DNAH7: variants seen among roughly 807,000 people sequenced by gnomAD.
The protein encoded by DNAH7 is axonemal beta dynein heavy chain 7.
Under a neutral mutation model 444.6 loss-of-function variants are expected in DNAH7, and 397 were observed. The observed-to-expected ratio is 0.89, with a 90% CI of 0.82 to 0.97. The LOEUF is 0.97. Among genes scored for constraint, DNAH7 ranks in the 50% least tolerant of loss-of-function variants. The pLI is 0.00. For synonymous variants in DNAH7, 1,636 were observed against 1,624.4 expected (o/e 1.01, Z -0.17); for missense variants, 4,902 against 4,800.8 (o/e 1.02, Z -0.62).
intron 49 of DNAH7, among the ~76,000 whole-genome samples, chr2:195,821,667 C>T (rs1174928548): frequency 1.3e-5 from 2 of 152,104 alleles, no homozygotes; most frequent in Non-Finnish European, 2.9e-5. Context: ...CCTGCTCTTA[C>T]AGGAGGCACA....
chr2:195,960,672 C>CT lies in DNAH7; in HGVS notation c.2478dup (p.Val827SerfsTer20), dbSNP rs752238407. 72 of 1,614,180 alleles carry CT rather than the reference C, an allele frequency of 4.5e-5. No homozygotes were observed. The East Asian group carries it at 7.8e-4, about 17-fold the overall frequency. ...TTGAAATCTTCCACCTTTGATCTTACTTTTTTTGTCATTGCCAATGCATAT... is the reference window on the plus strand; with the variant it reads ...TTGAAATCTTCCACCTTTGATCTTACTTTTTTTTGTCATTGCCAATGCATAT... On this transcript the variant is annotated frameshift_variant, in exon 18 of 65. Transcript: ENST00000312428. LOFTEE classifies it high-confidence loss of function.
intron 21 of DNAH7, among the ~76,000 whole-genome samples, chr2:195,929,903 A>G (rs1559235860): frequency 6.6e-6 from 1 of 152,286 alleles, no homozygotes; most frequent in Non-Finnish European, 1.5e-5. Flanking sequence ...GCTTTGGCAC[A>G]GCAAAAGAAA....
rs767607275 is a variant in DNAH7, at chr2:195,864,524, A to G, written c.7131T>C (p.His2377=). 7 of 1,614,060 alleles carry G rather than the reference A, an allele frequency of 4.3e-6. No homozygotes were observed. The highest frequency in any genetic ancestry group is 1.1e-5 in the South Asian group (1 of 91,082). ...TCCTTAAGATCACTTTTAAATCTTC[A>G]TGCCATTCAGTAGTATCATACCCCT... ...ISKGYDTTEW[H]EDLKVILRKC... is the part of the protein sequence containing the mutation. Residue 2377 remains histidine, a synonymous_variant, in exon 41 of 65, where the codon CAT becomes CAC. Coordinates refer to ENST00000312428, the MANE Select transcript of DNAH7 (RefSeq NM_018897.3).
chr2:195,754,176 A>C (rs1025387133), intron 63 of DNAH7, among the ~76,000 whole-genome samples, 161 bp downstream of exon 63: 7 of 151,552 alleles, frequency 4.6e-5, no homozygotes, highest in Admixed American at 2.6e-4. Context: ...CACCTGGCTC[A>C]CTCATTTGCT....
intron 41 of DNAH7, among the ~76,000 whole-genome samples, chr2:195,862,903 G>T (rs1212064042): frequency 2.0e-5 from 3 of 152,158 alleles, no homozygotes; most frequent in Non-Finnish European, 4.4e-5. Context: ...AGGAATGGTG[G>T]TGGGTGCCTG....
intron 17 of DNAH7, among the ~76,000 whole-genome samples, chr2:195,966,082 TA>T (rs1036189517): frequency 5.3e-5 from 8 of 151,874 alleles, no homozygotes; most frequent in African/African-American, 1.9e-4. Context: ...TTGGTGTAGG[TA>T]CCTATAGCTA....
At chr2:195,963,593 T>G (rs998851035) in intron 17 of DNAH7, among the ~76,000 whole-genome samples, 1 of 152,232 alleles carries the variant, frequency 6.6e-6, no homozygotes, top group Non-Finnish European at 1.5e-5. Flanking sequence ...TTTCCTTTGT[T>G]GTGCAGAAGT....
At position 195,962,263 on chromosome 2, in the gene DNAH7, G is replaced by A. The variant is rs546444580; in HGVS notation, c.2206-1318C>T. 7.9e-5 allele frequency among the ~76,000 whole-genome samples: 12 copies of A among 152,236 alleles called. No homozygotes were observed. In the East Asian group the frequency reaches 9.7e-4, roughly 12 times the overall value. ...GGTGTACATGAGATACTTTGATAGC[G>A]GTATACAATGCCTATCATATGTTAA... On this transcript the variant is annotated intron_variant, in intron 17 of 64. Transcript: ENST00000312428.
intron 18 of DNAH7, among the ~76,000 whole-genome samples, chr2:195,959,382 C>G (rs568866833): frequency 2.1e-4 from 32 of 152,244 alleles, no homozygotes; most frequent in African/African-American, 7.5e-4. Flanking sequence ...TTCCAAGCAG[C>G]TAATGATATC....
chr2:195,740,843 C>G lies in DNAH7; in HGVS notation c.11791G>C (p.Asp3931His), dbSNP rs763494625. The change falls in exon 64 of 65, where the codon GAT becomes CAT. Residue 3931 changes from aspartate to histidine, a missense_variant. By Grantham distance (81) the Asp-to-His change is moderately conservative. Coordinates refer to ENST00000312428, the MANE Select transcript of DNAH7 (RefSeq NM_018897.3). ...ATCTTTCTATTCCAGGAAGCTCCATCCAGAAATAATCCGTGAATGAAAACA... is the reference window on the plus strand; with the variant it reads ...ATCTTTCTATTCCAGGAAGCTCCATGCAGAAATAATCCGTGAATGAAAACA... The part of the protein sequence containing the change: ...DGVFIHGLFL[D>H]GASWNRKIKK... 1.3e-6 allele frequency: 2 copies of G among 1,559,354 alleles called. No individual in the cohort carries two copies. The highest frequency in any genetic ancestry group is 2.5e-5 in the South Asian group (2 of 79,794).
chr2:195,810,052 T>C (rs901926765), intron 51 of DNAH7, among the ~76,000 whole-genome samples, 181 bp from the exon 52 acceptor site: 1 of 152,012 alleles, frequency 6.6e-6, no homozygotes, highest in African/African-American at 2.4e-5. Flanking sequence ...AACACTTCAG[T>C]CCAATTGCAT....
At chr2:195,835,439 CAT>C (rs1245108198) in intron 47 of DNAH7, among the ~76,000 whole-genome samples, 3 of 145,708 alleles carry the variant, frequency 2.1e-5, no homozygotes, top group Non-Finnish European at 3.0e-5. Flanking sequence ...AACAGGATAA[CAT>C]ATTAAATTCA....
intron 21 of DNAH7, among the ~76,000 whole-genome samples, chr2:195,930,160 C>G (rs910355020): frequency 2.6e-5 from 4 of 152,058 alleles, no homozygotes; most frequent in Non-Finnish European, 5.9e-5. Flanking sequence ...CTGGTCAACA[C>G]GATGAAACCA....
chr2:196,021,475 G>C (rs1051420583), intron 8 of DNAH7, among the ~76,000 whole-genome samples: 1 of 152,062 alleles, frequency 6.6e-6, no homozygotes, highest in Admixed American at 6.6e-5. Flanking sequence ...TAAAACTTAT[G>C]TTTATGCTAT....
At chr2:195,739,540 A>C (rs1243174822) in intron 64 of DNAH7, among the ~76,000 whole-genome samples, 1 of 152,234 alleles carries the variant, frequency 6.6e-6, no homozygotes, top group Non-Finnish European at 1.5e-5. Flanking sequence ...CCAATACTGG[A>C]TAGGTGCCTA....
Position 196,001,675 on chromosome 2 carries a change from T to C in DNAH7, c.1173A>G (p.Pro391=). ...QDFTDLIAQP[P]DSVRAFEHPG... ...TATTGGTGAACTGAACCATACTTACTGGGGGTTGTGCAATTAAGTCCGTGA... is the reference window on the plus strand; with the variant it reads ...TATTGGTGAACTGAACCATACTTACCGGGGGTTGTGCAATTAAGTCCGTGA... Residue 391 remains proline (P), a splice_region_variant and synonymous_variant, in exon 11 of 65, where the codon CCA becomes CCG. Transcript: ENST00000312428. 6.4e-7 allele frequency: 1 copy of C among 1,550,486 alleles called. No homozygotes were observed. Among genetic ancestry groups the C allele is most frequent in the Non-Finnish European group, 8.7e-7 (1 of 1,149,088 alleles).
chr2:195,970,154 A>AT, intron 16 of DNAH7, 60 bp from the exon 17 acceptor site: 3 of 1,489,600 alleles, frequency 2.0e-6, no homozygotes, highest in Non-Finnish European at 2.7e-6. Context: ...CTGTCAAAAA[A>AT]TTTTAACATT....
At chr2:195,778,703 TAC>T (rs1695220765) in intron 58 of DNAH7, among the ~76,000 whole-genome samples, 1 of 76,438 alleles carries the variant, frequency 1.3e-5, no homozygotes, top group East Asian at 8.3e-4. Flanking sequence ...CATATATATA[TAC>T]ACATATATAT....
chr2:195,888,780 G>A lies in DNAH7; in HGVS notation c.5229+19C>T, dbSNP rs760643960. The A allele has an allele frequency of 1.3e-6, 2 of 1,599,556 alleles. No individual in the cohort carries two copies. Among genetic ancestry groups the A allele is most frequent in the South Asian group, 1.1e-5 (1 of 87,952 alleles). On this transcript the variant is annotated intron_variant, in intron 32 of 64. Coordinates refer to ENST00000312428, the MANE Select transcript of DNAH7 (RefSeq NM_018897.3). ...AACATTTTATAATTTATAAAAAGAT[G>A]TCAAAATGGAGAACTTACAGTGGCA...
Sources: gnomAD v4.1 joint callset for allele counts (sites outside exome capture counted in the v4.1 genomes callset) on GRCh38, gnomAD v4.1.1 for gene constraint, MANE v1.5 for transcripts, NCBI Gene and HGNC (gene_info 2026-07-23, HGNC 2026-07-21) for gene names.